Variants in BRWD3 observed in about 807,000 individuals in gnomAD.
BRWD3 encodes bromodomain and WD repeat domain containing 3, also known as bromodomain and WD repeat-containing protein 3.
BRWD3 carries 10 observed loss-of-function variants against 149.7 expected under a neutral mutation model. The ratio of observed to expected loss-of-function variants is 0.07; its 90% CI spans 0.04 to 0.11. The LOEUF is 0.11. Among genes scored for constraint, BRWD3 ranks in the 10% least tolerant of loss-of-function variants. BRWD3 has a pLI of 1.00. For missense variants in BRWD3, 940 were observed against 1,373.2 expected, an observed-to-expected ratio of 0.68 and a Z score of 4.99; for synonymous variants, 504 against 456.7, an observed-to-expected ratio of 1.10 and a Z score of -1.32.
At chrX:80,734,063 A>C in intron 11 of BRWD3, 55 bp downstream of exon 11, 2 of 864,003 alleles carry the variant, frequency 2.3e-6, no homozygotes, top group Non-Finnish European at 3.5e-6. Flanking sequence ...AAGAAATGAA[A>C]TAAGCTTTCC....
At chrX:80,747,878 C>T (rs2073614599) in intron 6 of BRWD3, among the ~76,000 whole-genome samples, 1 of 111,803 alleles carries the variant, frequency 8.9e-6, no homozygotes, top group South Asian at 3.7e-4. Context: ...CATCAGAAAA[C>T]AGAAAATTTC....
rs2072489794 is a variant in BRWD3 at position 80,684,068 on chromosome X, T to A, written c.4175A>T (p.Lys1392Met). ...GNYGSPLEFYKDVRQIFNNSK... is the reference protein window; with the variant it reads ...GNYGSPLEFYMDVRQIFNNSK... The stretch of plus-strand genomic sequence containing the variant: ...GTTGTTGAATATTTGGCGAACATCC[T>A]TATAAAATTCCAGAGGACTACCATA... Residue 1392 changes from lysine (K) to methionine (M), a missense_variant, in exon 37 of 41, where the codon AAG becomes ATG. By Grantham distance (95) the Lys-to-Met change is moderately conservative. Transcript: ENST00000373275. 8.3e-7 allele frequency: 1 copy of A among 1,206,272 alleles called. No homozygotes were observed. Among genetic ancestry groups the A allele is most frequent in the African/African-American group, 1.8e-5 (1 of 57,045 alleles).
In BRWD3 at chrX:80,696,606, G is replaced by A. The variant is rs141611133; in HGVS notation, c.3068+133C>T. Reference sequence around the variant, plus strand: ...AGAAATAAACTAGGAATTAAACTCTGGTCTTTATAATTCTAAACCCTGTAG... The same window carrying A: ...AGAAATAAACTAGGAATTAAACTCTAGTCTTTATAATTCTAAACCCTGTAG... On this transcript the variant is annotated intron_variant, in intron 26 of 40. Transcript: ENST00000373275. The A allele has an allele frequency of 2.6e-3, 1,807 of 697,356 alleles. 48 individuals carry two copies. In the East Asian group the frequency reaches 0.052, roughly 20 times the overall value. 57.5% of individuals were successfully genotyped at this position (697,356 alleles called of 1,213,427 possible).
In BRWD3 at chrX:80,681,410, G is replaced by C. The variant is rs2072445241; in HGVS notation, c.4585C>G (p.Arg1529Gly). 1 of 1,207,909 alleles carries C rather than the reference G, an allele frequency of 8.3e-7. No individual in the cohort carries two copies. Among genetic ancestry groups the C allele is most frequent in the Non-Finnish European group, 1.1e-6 (1 of 894,129 alleles). Residue 1529 changes from arginine (R) to glycine (G), a missense_variant, in exon 40 of 41, where the codon CGA becomes GGA. Physicochemically the swap from Arg to Gly is moderately radical, Grantham distance 125. Transcript: ENST00000373275. ...CCTGGGTCATGGCTATTTCCACTTC[G>C]GCTATATCCACCGAAGCTCGATGAA... ...FSSSSFGGYSRSGNSHDPGKA... is the reference protein window; with the variant it reads ...FSSSSFGGYSGSGNSHDPGKA...
intron 6 of BRWD3, among the ~76,000 whole-genome samples, chrX:80,763,973 T>C (rs191351480): frequency 1.8e-5 from 2 of 111,971 alleles, no homozygotes; most frequent in African/African-American, 6.5e-5. Flanking sequence ...GCTTACTACA[T>C]AGCTACAGAA....
chrX:80,694,018 CCATCA>C (rs1184305169), intron 27 of BRWD3, among the ~76,000 whole-genome samples: 1 of 111,288 alleles, frequency 9.0e-6, no homozygotes, highest in African/African-American at 3.3e-5. Flanking sequence ...GCAGCCCCTC[CCATCA>C]CAAGACCCAG....
At position 80,709,557 on chromosome X, in the gene BRWD3, A is replaced by G. The variant is rs183513696; in HGVS notation, c.2346T>C (p.Cys782=). 74 of 1,208,385 alleles carry G rather than the reference A, an allele frequency of 6.1e-5. 1 individual carries two copies. In the Admixed American group the frequency reaches 1.2e-3, roughly 20 times the overall value. ...GCTGTGTCCTGCGTAAAGAACGCCC[A>G]CAGCTAGGCTCATAATCATTCTGTA... The part of the protein sequence containing the change: ...TTQRNDYEPS[C]GRSLRRTQRK... The change falls in exon 21 of 41, where the codon TGT becomes TGC. Residue 782 remains cysteine, a synonymous_variant. Transcript: ENST00000373275.
intron 6 of BRWD3, among the ~76,000 whole-genome samples, chrX:80,789,752 T>A (rs73227338): frequency 0.082 from 9,124 of 110,687 alleles, 371 homozygotes; most frequent in South Asian, 0.19. Flanking sequence ...CTACGAAAAG[T>A]ACACCATTCA....
intron 18 of BRWD3, 27 bp downstream of exon 18, chrX:80,719,462 A>G (rs1329552948): frequency 1.7e-6 from 2 of 1,158,104 alleles, no homozygotes; most frequent in African/African-American, 3.6e-5. Flanking sequence ...CATAAACTAC[A>G]CCCTTTACAA....
At chrX:80,796,161 C>G (rs1462397999) in intron 4 of BRWD3, among the ~76,000 whole-genome samples, 1 of 106,145 alleles carries the variant, frequency 9.4e-6, no homozygotes, top group South Asian at 4.4e-4. Flanking sequence ...GTCGGAGTCT[C>G]GCTCTGTCAC....
chrX:80,752,205 G>T (rs2073678500), intron 6 of BRWD3, among the ~76,000 whole-genome samples: 1 of 108,582 alleles, frequency 9.2e-6, no homozygotes, highest in Admixed American at 9.9e-5. Context: ...TTAGAGATGG[G>T]GTCTCTCTAT....
chrX:80,684,198 C>T (rs774058638), intron 36 of BRWD3, 36 bp from the exon 37 acceptor site: 4 of 1,133,965 alleles, frequency 3.5e-6, no homozygotes, highest in South Asian at 3.7e-5. Context: ...TACTGTATAG[C>T]AATATTAAGG....
chrX:80,685,457 C>A lies in BRWD3; in HGVS notation c.4080+5G>T, dbSNP rs754320625. On this transcript the variant is annotated splice_donor_5th_base_variant and intron_variant, in intron 36 of 40. Transcript: ENST00000373275. Reference sequence around the variant, plus strand: ...ATATGTCTTTTAAGAGACTACCAGGCCTACCTCAGAAAGAGATGAATCTTG... The same window carrying A: ...ATATGTCTTTTAAGAGACTACCAGGACTACCTCAGAAAGAGATGAATCTTG... 11 of 1,199,863 alleles carry A rather than the reference C, an allele frequency of 9.2e-6. No homozygotes were observed. The highest frequency in any genetic ancestry group is 1.1e-5 in the Non-Finnish European group (10 of 885,470).
rs1179164207 is a variant in BRWD3 at position 80,675,654 on chromosome X, T to C, written c.*955A>G. ...GTCAGTAAGGAATAACAGCATCTAT[T>C]TTCCTTAATGTTTCCAGTAGTTGTA... On this transcript the variant is annotated 3_prime_UTR_variant, in exon 41 of 41. Transcript: ENST00000373275. 8.9e-6 allele frequency: 1 copy of C among 112,059 alleles called. No individual in the cohort carries two copies. Among genetic ancestry groups the C allele is most frequent in the Non-Finnish European group, 1.9e-5 (1 of 53,147 alleles). 9.2% of individuals were successfully genotyped at this position (112,059 alleles called of 1,213,427 possible).
chrX:80,713,309 A>G (rs1468246924), intron 20 of BRWD3, among the ~76,000 whole-genome samples: 1 of 112,206 alleles, frequency 8.9e-6, no homozygotes, highest in African/African-American at 3.3e-5. Flanking sequence ...TGTAGAAAGA[A>G]GTAGACATGG....
intron 8 of BRWD3, among the ~76,000 whole-genome samples, chrX:80,742,972 C>A (rs1210231845): frequency 3.6e-5 from 4 of 111,548 alleles, no homozygotes; most frequent in East Asian, 2.8e-4. Flanking sequence ...CTGTCTTGTG[C>A]CAGTTTTCAA....
intron 6 of BRWD3, among the ~76,000 whole-genome samples, chrX:80,784,847 A>C: frequency 8.9e-6 from 1 of 111,877 alleles, no homozygotes; most frequent in Admixed American, 9.5e-5. Flanking sequence ...CAATAAACAT[A>C]TGTGTGCCTG....
At position 80,700,079 on chromosome X, in the gene BRWD3, A is replaced by G. The variant is rs1386778034; in HGVS notation, c.2836-15T>C. ...AAATAGATAAGCTAAAACAGAAAAC[A>G]TAAGGTATTAAACAGCAGCATCCTA... On this transcript the variant is annotated splice_polypyrimidine_tract_variant and intron_variant, in intron 24 of 40. Transcript: ENST00000373275. 2 of 1,150,326 alleles carry G rather than the reference A, an allele frequency of 1.7e-6. No individual in the cohort carries two copies. Among genetic ancestry groups the G allele is most frequent in the South Asian group, 1.8e-5 (1 of 54,825 alleles). 94.8% of individuals were successfully genotyped at this position (1,150,326 alleles called of 1,213,427 possible).
At chrX:80,715,944 C>G (rs2073068730) in intron 20 of BRWD3, among the ~76,000 whole-genome samples, 1 of 111,484 alleles carries the variant, frequency 9.0e-6, no homozygotes, top group African/African-American at 3.3e-5. Context: ...CTACAATGAC[C>G]ACATGTCCTA....
Sources: allele counts gnomAD v4.1 joint callset (sites outside exome capture counted in the v4.1 genomes callset), GRCh38; gene constraint gnomAD v4.1.1; transcripts MANE v1.5; gene names NCBI Gene and HGNC (gene_info 2026-07-23, HGNC 2026-07-21).